The following EPB41L2 variants were observed in gnomAD, a reference collection of about 807,000 sequenced individuals.
EPB41L2 encodes erythrocyte membrane protein band 4.1 like 2.
In EPB41L2, 43 loss-of-function variants were observed where a neutral mutation model predicts 113.0. That is an observed-to-expected ratio of 0.38 (90% CI 0.30 to 0.49). The LOEUF is 0.49. Ranked by LOEUF, EPB41L2 falls within the 20% of genes least tolerant of loss-of-function variation. EPB41L2 has a pLI of 0.95. For synonymous variants in EPB41L2, 442 were observed against 436.7 expected (o/e 1.01, Z -0.15); for missense variants, 1,147 against 1,223.4 (o/e 0.94, Z 0.93).
intron 1 of EPB41L2, among the ~76,000 whole-genome samples, chr6:131,006,999 C>T (rs748949676): frequency 1.4e-4 from 22 of 152,188 alleles, no homozygotes; most frequent in Admixed American, 2.0e-4. Flanking sequence ...CCAACACACT[C>T]GCCCTATTTA....
chr6:131,009,202 T>C (rs1034860988), intron 1 of EPB41L2, among the ~76,000 whole-genome samples: 2 of 152,170 alleles, frequency 1.3e-5, no homozygotes, highest in East Asian at 1.9e-4. Context: ...CTTGTGATAG[T>C]GAGTTCTCAC....
rs116904464 is a variant in EPB41L2, at chr6:131,030,747, C to T, written c.-15+32408G>A. 1.0e-3 allele frequency among the ~76,000 whole-genome samples: 153 copies of T among 152,134 alleles called. 1 individual carries two copies. In the East Asian group the frequency reaches 0.026, roughly 26 times the overall value. On this transcript the variant is annotated intron_variant, in intron 1 of 19. Coordinates refer to ENST00000337057, the MANE Select transcript of EPB41L2 (RefSeq NM_001431.4). Reference sequence around the variant, plus strand: ...CTCATAAATTAATTGCGGTCCTCTGCCTAGAGGTACCAAAGGGTCTGATGT... The same window carrying T: ...CTCATAAATTAATTGCGGTCCTCTGTCTAGAGGTACCAAAGGGTCTGATGT...
intron 19 of EPB41L2, among the ~76,000 whole-genome samples, chr6:130,844,638 A>G (rs73000206): frequency 0.16 from 23,717 of 152,136 alleles, 2,151 homozygotes; most frequent in African/African-American, 0.23. Flanking sequence ...TAAATATGAT[A>G]CTTTATGGAT....
At chr6:130,888,543 A>T (rs984808525) in intron 11 of EPB41L2, among the ~76,000 whole-genome samples, 2 of 152,218 alleles carry the variant, frequency 1.3e-5, no homozygotes, top group Non-Finnish European at 1.5e-5. Flanking sequence ...AAACTTTGCA[A>T]TATAAGAGTT....
At chr6:130,922,747 T>G (rs1431610636) in intron 4 of EPB41L2, among the ~76,000 whole-genome samples, 1 of 152,124 alleles carries the variant, frequency 6.6e-6, no homozygotes, top group African/African-American at 2.4e-5. Flanking sequence ...TTTGGAATAT[T>G]TGCAAGGTAA....
In EPB41L2 at chr6:130,942,695, T is replaced by C. The variant is rs377256078; in HGVS notation, c.705+12410A>G. Among the ~76,000 whole-genome samples the C allele has an allele frequency of 1.1e-4, 16 of 152,346 alleles. No individual in the cohort carries two copies. The South Asian group carries it at 3.3e-3, about 32-fold the overall frequency. On this transcript the variant is annotated intron_variant, in intron 3 of 19. Transcript: ENST00000337057. ...GTATACATGTGCCATGGTGGTTTGC[T>C]GCACCCATTAACCTGTCATCTACAT... is the stretch of plus-strand genomic sequence containing the variant.
At chr6:130,990,466 T>C (rs1414530423) in intron 1 of EPB41L2, among the ~76,000 whole-genome samples, 1 of 152,102 alleles carries the variant, frequency 6.6e-6, no homozygotes, top group African/African-American at 2.4e-5. Flanking sequence ...ATATCAATAA[T>C]TAAATGTAAA....
intron 19 of EPB41L2, among the ~76,000 whole-genome samples, chr6:130,856,371 G>A (rs1440972421): frequency 2.0e-5 from 3 of 152,160 alleles, no homozygotes; most frequent in Admixed American, 2.0e-4. Flanking sequence ...AACAATGAAA[G>A]AAAGAATGAA....
intron 1 of EPB41L2, among the ~76,000 whole-genome samples, chr6:130,959,530 C>T (rs1462578604): frequency 6.6e-6 from 1 of 152,146 alleles, no homozygotes; most frequent in East Asian, 1.9e-4. Flanking sequence ...GACAGCAATG[C>T]TACGTAAGAG....
At chr6:130,850,990 T>C (rs1333589161) in intron 19 of EPB41L2, among the ~76,000 whole-genome samples, 1 of 152,242 alleles carries the variant, frequency 6.6e-6, no homozygotes, top group Non-Finnish European at 1.5e-5. Flanking sequence ...AGCTTTTTAT[T>C]TCTATGCAGA....
intron 1 of EPB41L2, among the ~76,000 whole-genome samples, chr6:130,982,987 T>C (rs1779718712): frequency 6.6e-6 from 1 of 152,258 alleles, no homozygotes; most frequent in African/African-American, 2.4e-5. Flanking sequence ...TTCTAGTTTA[T>C]GTGAGATAAA....
intron 4 of EPB41L2, among the ~76,000 whole-genome samples, chr6:130,915,073 G>A (rs1432749541): frequency 2.6e-5 from 4 of 151,738 alleles, no homozygotes; most frequent in African/African-American, 9.8e-5. Context: ...GGAGGCCGAG[G>A]CGGGCGGATC....
At chr6:130,929,601 A>G (rs763352369) in intron 3 of EPB41L2, among the ~76,000 whole-genome samples, 5 of 152,176 alleles carry the variant, frequency 3.3e-5, no homozygotes, top group African/African-American at 7.2e-5. Context: ...TGAGCACGAC[A>G]AACATGGTCT....
chr6:130,860,602 G>C (rs1052873456), intron 18 of EPB41L2, among the ~76,000 whole-genome samples: 14 of 151,500 alleles, frequency 9.2e-5, no homozygotes, highest in Admixed American at 8.5e-4. Flanking sequence ...GCGCGATCTC[G>C]GCTCACTGCA....
chr6:130,938,325 T>G (rs1809602187), intron 3 of EPB41L2, among the ~76,000 whole-genome samples: 1 of 152,198 alleles, frequency 6.6e-6, no homozygotes, highest in Non-Finnish European at 1.5e-5. Flanking sequence ...TGACATTTTT[T>G]CCAAGTAAAA....
intron 1 of EPB41L2, among the ~76,000 whole-genome samples, chr6:130,977,698 T>A (rs1778492218): frequency 6.6e-6 from 1 of 152,218 alleles, no homozygotes; most frequent in Non-Finnish European, 1.5e-5. Context: ...CTACTCTTCT[T>A]AACCTTAAGG....
chr6:130,997,287 C>A (rs1783360288), intron 1 of EPB41L2, among the ~76,000 whole-genome samples: 1 of 152,144 alleles, frequency 6.6e-6, no homozygotes, highest in African/African-American at 2.4e-5. Context: ...AGTGTACTTG[C>A]CACTTAAAAC....
chr6:130,867,602 A>G (rs2128443089), intron 15 of EPB41L2, 21 bp from the exon 16 acceptor site: 1 of 1,613,294 alleles, frequency 6.2e-7, no homozygotes, highest in Non-Finnish European at 8.5e-7. Context: ...AAAGGAAGGG[A>G]AAAATAAATT....
intron 1 of EPB41L2, among the ~76,000 whole-genome samples, chr6:130,962,837 G>T (rs1006913283): frequency 6.6e-6 from 1 of 152,076 alleles, no homozygotes; most frequent in Non-Finnish European, 1.5e-5. Flanking sequence ...TGGCCTCAAG[G>T]GTAGCTTCTA....
Sources: gnomAD v4.1 joint callset for allele counts (sites outside exome capture counted in the v4.1 genomes callset) on GRCh38, gnomAD v4.1.1 for gene constraint, MANE v1.5 for transcripts, NCBI Gene and HGNC (gene_info 2026-07-23, HGNC 2026-07-21) for gene names.